The following CLDN16 variants were observed in gnomAD, a reference collection of about 807,000 sequenced individuals.
CLDN16 encodes claudin-16.
In CLDN16, 13 loss-of-function variants were observed where a neutral mutation model predicts 24.6. That is an observed-to-expected ratio of 0.53 (90% confidence interval 0.34 to 0.84). CLDN16 has a LOEUF of 0.84. Among genes scored for constraint, CLDN16 ranks in the 40% least tolerant of loss-of-function variants. The pLI, the probability that CLDN16 is intolerant of heterozygous loss-of-function variation, is 0.01. For synonymous variants in CLDN16, 116 were observed against 106.7 expected, an observed-to-expected ratio of 1.09 and a Z score of -0.54; for missense variants, 298 against 292.7, an observed-to-expected ratio of 1.02 and a Z score of -0.13.
At chr3:190,385,224 G>A (rs114589977), upstream of CLDN16, among the ~76,000 whole-genome samples, 1 of 152,152 alleles carries the variant, frequency 6.6e-6, no homozygotes, top group Non-Finnish European at 1.5e-5. Context: ...CCTAGGGAGG[G>A]TCAGAATGCA....
At chr3:190,326,849 G>A (rs959061302) in intron 1 of CLDN16, among the ~76,000 whole-genome samples, 2 of 152,280 alleles carry the variant, frequency 1.3e-5, no homozygotes, top group East Asian at 1.9e-4. Context: ...CTGAATGACT[G>A]TTCCTTTTAT....
chr3:190,357,722 C>T (rs9854825), intron 1 of CLDN16, among the ~76,000 whole-genome samples: 237 of 152,022 alleles, frequency 1.6e-3, no homozygotes, highest in African/African-American at 5.1e-3. Flanking sequence ...TTCCCATCAG[C>T]CCAGATTGCA....
intron 1 of CLDN16, among the ~76,000 whole-genome samples, chr3:190,332,115 G>A (rs764076090): frequency 5.3e-5 from 8 of 152,038 alleles, no homozygotes; most frequent in Non-Finnish European, 8.8e-5. Flanking sequence ...AATTCCCATC[G>A]TGCCATGTAA....
At chr3:190,377,364 G>T (rs1158694819) in intron 3 of CLDN16, among the ~76,000 whole-genome samples, 1 of 151,822 alleles carries the variant, frequency 6.6e-6, no homozygotes, top group Non-Finnish European at 1.5e-5. Context: ...AAGTTCTTGG[G>T]TTGAAACATT....
chr3:190,388,598 A>C (rs1387126001), intron 1 of CLDN16, among the ~76,000 whole-genome samples, 155 bp downstream of exon 1: 2 of 152,224 alleles, frequency 1.3e-5, no homozygotes, highest in African/African-American at 2.4e-5. Flanking sequence ...TTATTAGCTC[A>C]TTTAATCCTC....
chr3:190,379,975 G>GTCTATCTATCTATCTATCTATCTATCTA (rs34203533), intron 3 of CLDN16, among the ~76,000 whole-genome samples: 1 of 148,988 alleles, frequency 6.7e-6, no homozygotes, highest in African/African-American at 2.5e-5. Context: ...TATCAACTCT[G>GTCTATCTATCTATCTATCTATCTATCTA]TCTATCTATC....
upstream of CLDN16, among the ~76,000 whole-genome samples, chr3:190,386,900 A>G (rs918536699): frequency 7.9e-4 from 121 of 152,350 alleles, no homozygotes; most frequent in Non-Finnish European, 3.1e-4. Flanking sequence ...TGGTTTATCA[A>G]TACTGATTTT....
chr3:190,399,693 T>G (rs903866808), intron 1 of CLDN16, among the ~76,000 whole-genome samples: 3 of 152,170 alleles, frequency 2.0e-5, no homozygotes, highest in Non-Finnish European at 4.4e-5. Context: ...TATCCTTTTT[T>G]CTAGCTATTT....
chr3:190,319,180 C>T (rs556324621), upstream of CLDN16, among the ~76,000 whole-genome samples: 3 of 152,108 alleles, frequency 2.0e-5, no homozygotes, highest in African/African-American at 4.8e-5. Context: ...ATAAAATTGG[C>T]GCGAGCTTCC....
intron 3 of CLDN16, among the ~76,000 whole-genome samples, chr3:190,382,827 T>A (rs930391419): frequency 5.9e-5 from 9 of 152,190 alleles, no homozygotes; most frequent in African/African-American, 1.9e-4. Flanking sequence ...ATGCTTCATG[T>A]GAGATAGTTG....
At chr3:190,311,807 A>T in the CLDN16 span, among the ~76,000 whole-genome samples, 91 of 151,850 alleles carry the variant, frequency 6.0e-4, no homozygotes, top group Admixed American at 1.4e-3. Flanking sequence ...ACGTAAGTAT[A>T]CATACACTAT....
chr3:190,317,780 G>A (rs1716810222), upstream of CLDN16, among the ~76,000 whole-genome samples: 4 of 152,158 alleles, frequency 2.6e-5, no homozygotes, highest in East Asian at 7.7e-4. Context: ...CTACATGCAG[G>A]CTTTGGACTC....
chr3:190,343,498 CTCTCATATTCATTGCAGCATTGTTCAT>C (rs1462876226), intron 1 of CLDN16, among the ~76,000 whole-genome samples: 1 of 152,112 alleles, frequency 6.6e-6, no homozygotes, highest in Non-Finnish European at 1.5e-5. Flanking sequence ...GATATCTGCA[CTCTCATATTCATTGCAGCATTGTTCAT>C]ACAATACCTA....
the CLDN16 span, among the ~76,000 whole-genome samples, chr3:190,290,712 G>A: frequency 6.6e-6 from 1 of 152,044 alleles, no homozygotes; most frequent in Admixed American, 6.6e-5. Context: ...GAAAATCACA[G>A]ATAAATAATT....
At chr3:190,404,570 T>C (rs528955217) in intron 2 of CLDN16, among the ~76,000 whole-genome samples, 192 bp from the exon 3 acceptor site, 1 of 152,298 alleles carries the variant, frequency 6.6e-6, no homozygotes, top group Admixed American at 6.5e-5. Context: ...CAAGCAATAA[T>C]GTCAATAATC....
At chr3:190,321,592 T>G (rs1214335495), upstream of CLDN16, among the ~76,000 whole-genome samples, 3 of 152,216 alleles carry the variant, frequency 2.0e-5, no homozygotes, top group Non-Finnish European at 4.4e-5. Context: ...GGCTTCAAAC[T>G]TTTTCAGTCA....
chr3:190,328,623 A>G (rs1394078341), intron 1 of CLDN16, among the ~76,000 whole-genome samples: 1 of 152,060 alleles, frequency 6.6e-6, no homozygotes, highest in Non-Finnish European at 1.5e-5. Flanking sequence ...ATCCTGCTGA[A>G]CAAAATATTT....
At position 190,338,959 on chromosome 3, in the gene CLDN16, C is replaced by T. The variant is rs138809227; in HGVS notation, n.121+16298C>T. ...GCACATTTCACTGTAGGGTTGTCCTCAGCTGATTGAAGCTACCTCACCCAG... is the reference window on the plus strand; with the variant it reads ...GCACATTTCACTGTAGGGTTGTCCTTAGCTGATTGAAGCTACCTCACCCAG... On this transcript the variant is annotated intron_variant and non_coding_transcript_variant, in intron 1 of 4. Transcript: ENST00000468220. Among the ~76,000 whole-genome samples, 568 of 152,272 alleles carry T rather than the reference C, an allele frequency of 3.7e-3. 5 individuals carry two copies. The highest frequency in any genetic ancestry group is 0.013 in the African/African-American group (541 of 41,540).
At chr3:190,378,791 G>A (rs1718296607) in intron 3 of CLDN16, among the ~76,000 whole-genome samples, 1 of 151,950 alleles carries the variant, frequency 6.6e-6, no homozygotes, top group Non-Finnish European at 1.5e-5. Context: ...GTTTGCCTGT[G>A]TTCTACTTTG....
Sources: allele counts gnomAD v4.1 joint callset (sites outside exome capture counted in the v4.1 genomes callset), GRCh38; gene constraint gnomAD v4.1.1; transcripts MANE v1.5; gene names NCBI Gene and HGNC (gene_info 2026-07-23, HGNC 2026-07-21).